The following SGCD variants were observed in gnomAD, a reference collection of about 807,000 sequenced individuals.
SGCD encodes the protein sarcoglycan delta.
SGCD carries 18 observed loss-of-function variants against 36.6 expected under a neutral mutation model. The ratio of observed to expected loss-of-function variants is 0.49; its 90% CI spans 0.34 to 0.73. SGCD has a LOEUF of 0.73. SGCD is among the 30% of genes least tolerant of loss of function. SGCD has a pLI of 0.01. For missense variants in SGCD, 387 were observed against 346.7 expected, an observed-to-expected ratio of 1.12 and a Z score of -0.92; for synonymous variants, 133 against 130.6, an observed-to-expected ratio of 1.02 and a Z score of -0.12.
chr5:156,019,276 AC>A (rs886601982), intron 1 of SGCD, among the ~76,000 whole-genome samples: 1 of 152,206 alleles, frequency 6.6e-6, no homozygotes, highest in African/African-American at 2.4e-5. Context: ...GCAGTAAATC[AC>A]CATATGCTAC....
At chr5:155,982,049 G>A (rs889786032) in intron 1 of SGCD, among the ~76,000 whole-genome samples, 13 of 152,046 alleles carry the variant, frequency 8.6e-5, no homozygotes, top group African/African-American at 1.4e-4. Context: ...TCTATTTTGC[G>A]TTTAGTCCTA....
chr5:155,896,790 G>C (rs939459047), intron 1 of SGCD, among the ~76,000 whole-genome samples: 2 of 152,188 alleles, frequency 1.3e-5, no homozygotes, highest in African/African-American at 4.8e-5. Flanking sequence ...CTGTTTGCCA[G>C]CCTAGCTAGG....
chr5:156,026,128 G>T (rs1463563350), intron 1 of SGCD, among the ~76,000 whole-genome samples: 1 of 152,170 alleles, frequency 6.6e-6, no homozygotes, highest in Non-Finnish European at 1.5e-5. Flanking sequence ...AGGCTCTCAG[G>T]AAGATAGAAA....
intron 3 of SGCD, among the ~76,000 whole-genome samples, chr5:156,445,608 T>TC (rs906355562): frequency 6.6e-6 from 1 of 152,202 alleles, no homozygotes; most frequent in Admixed American, 6.5e-5. Flanking sequence ...GTTTTAGTTC[T>TC]CCCCCCGTAC....
intron 5 of SGCD, among the ~76,000 whole-genome samples, chr5:156,591,051 CACACACACAT>C (rs2113375426): frequency 6.6e-6 from 1 of 152,100 alleles, no homozygotes; most frequent in South Asian, 2.1e-4. Flanking sequence ...TCTAAACACA[CACACACACAT>C]ACACACATGC....
chr5:156,073,765 A>T (rs1474986405), intron 1 of SGCD, among the ~76,000 whole-genome samples: 1 of 152,222 alleles, frequency 6.6e-6, no homozygotes, highest in Admixed American at 6.5e-5. Flanking sequence ...AGATATAGCC[A>T]GGTAAAGCAG....
At chr5:155,982,836 C>T (rs1239030381) in intron 1 of SGCD, among the ~76,000 whole-genome samples, 1 of 152,106 alleles carries the variant, frequency 6.6e-6, no homozygotes, top group East Asian at 1.9e-4. Flanking sequence ...ATTTCAAATG[C>T]CAGCATTTGA....
At chr5:156,032,535 G>T (rs894548208) in intron 1 of SGCD, among the ~76,000 whole-genome samples, 1 of 151,156 alleles carries the variant, frequency 6.6e-6, no homozygotes, top group African/African-American at 2.4e-5. Flanking sequence ...TGGCTAACAT[G>T]GTGAAAACCC....
At chr5:156,171,812 A>G (rs527846597) in intron 3 of SGCD, among the ~76,000 whole-genome samples, 79 of 152,276 alleles carry the variant, frequency 5.2e-4, no homozygotes, top group Middle Eastern at 6.8e-3. Flanking sequence ...TCTAGTGGCA[A>G]TGTCCCAGGG....
the SGCD span, among the ~76,000 whole-genome samples, chr5:155,732,461 C>T: frequency 6.6e-6 from 1 of 152,102 alleles, no homozygotes; most frequent in Non-Finnish European, 1.5e-5. Flanking sequence ...AGATCTTTCC[C>T]AAGCTTTCTC....
intron 1 of SGCD, among the ~76,000 whole-genome samples, chr5:156,074,117 T>C (rs1171848959): frequency 2.0e-5 from 3 of 152,234 alleles, no homozygotes; most frequent in Non-Finnish European, 4.4e-5. Context: ...AATTGTCTGG[T>C]TTATATAAAT....
chr5:156,150,147 C>G (rs927767996), intron 3 of SGCD, among the ~76,000 whole-genome samples: 4 of 152,260 alleles, frequency 2.6e-5, no homozygotes, highest in Admixed American at 2.6e-4. Context: ...TTCAGGGCTC[C>G]CTGCACCCAC....
At position 156,332,386 on chromosome 5, in the gene SGCD, G is replaced by A. The variant is rs1768110960; in HGVS notation, c.3+2807G>A. 2.0e-5 allele frequency among the ~76,000 whole-genome samples: 3 copies of A among 152,206 alleles called. No individual in the cohort carries two copies. In the South Asian group the frequency reaches 6.2e-4, roughly 32 times the overall value. ...CCCTATGTAATTTCTTGGGCACAGT[G>A]GCTGGTGGCCTGTGGTCAGCTCCTG... is the stretch of plus-strand genomic sequence containing the variant. On this transcript the variant is annotated intron_variant, in intron 2 of 8. Coordinates refer to ENST00000337851, the MANE Select transcript of SGCD (RefSeq NM_000337.6).
the SGCD span, among the ~76,000 whole-genome samples, chr5:155,827,397 G>A: frequency 6.6e-6 from 1 of 152,158 alleles, no homozygotes; most frequent in African/African-American, 2.4e-5. Flanking sequence ...TATCCTTAGT[G>A]TATGACTCTC....
chr5:156,194,822 C>G (rs1763984760), intron 3 of SGCD, among the ~76,000 whole-genome samples: 1 of 152,026 alleles, frequency 6.6e-6, no homozygotes, highest in Non-Finnish European at 1.5e-5. Context: ...CCTTTTATGG[C>G]TCAGTTTCCT....
chr5:156,595,108 G>A (rs1760876121), intron 6 of SGCD, 57 bp downstream of exon 6: 4 of 1,545,228 alleles, frequency 2.6e-6, no homozygotes, highest in African/African-American at 2.7e-5. Flanking sequence ...TTTTAGAGGA[G>A]AAGCAAAATG....
At chr5:156,425,905 G>A (rs1773651915) in intron 3 of SGCD, among the ~76,000 whole-genome samples, 1 of 151,980 alleles carries the variant, frequency 6.6e-6, no homozygotes, top group African/African-American at 2.4e-5. Flanking sequence ...CTGTTTTATG[G>A]CTGAGTAGTA....
At chr5:156,673,366 T>A (rs1275605326) in intron 7 of SGCD, among the ~76,000 whole-genome samples, 1 of 152,206 alleles carries the variant, frequency 6.6e-6, no homozygotes, top group African/African-American at 2.4e-5. Flanking sequence ...GGCTGTGCAA[T>A]AGTCACGCTT....
At chr5:155,872,079 G>T (rs2113276916) in intron 1 of SGCD, among the ~76,000 whole-genome samples, 1 of 152,270 alleles carries the variant, frequency 6.6e-6, no homozygotes, top group South Asian at 2.1e-4. Flanking sequence ...GGCAGCTACT[G>T]AGAAAGGTGG....
Sources: allele counts gnomAD v4.1 joint callset (sites outside exome capture counted in the v4.1 genomes callset), GRCh38; gene constraint gnomAD v4.1.1; transcripts MANE v1.5; gene names NCBI Gene and HGNC (gene_info 2026-07-23, HGNC 2026-07-21).